Variants in FERMT1 observed in about 807,000 individuals in gnomAD.
FERMT1 encodes the protein FERM domain containing kindlin 1, also known as fermitin family homolog 1.
Under a neutral mutation model 85.3 loss-of-function variants are expected in FERMT1, and 60 were observed. The observed-to-expected ratio is 0.70, with a 90% confidence interval of 0.57 to 0.87. The LOEUF (loss-of-function observed/expected upper bound fraction) is 0.87. Ranked by LOEUF, FERMT1 falls within the 40% of genes least tolerant of loss-of-function variation. FERMT1 has a pLI of 0.00. For missense variants in FERMT1, 701 were observed against 818.9 expected (o/e 0.86, Z 1.76); for synonymous variants, 275 against 301.1 (o/e 0.91, Z 0.90).
intron 3 of FERMT1, among the ~76,000 whole-genome samples, chr20:6,114,343 T>C (rs188042532): frequency 6.6e-6 from 1 of 152,340 alleles, no homozygotes; most frequent in East Asian, 1.9e-4. Flanking sequence ...CTGCATTTGA[T>C]TTCACTTCAA....
chr20:6,107,394 T>A lies in FERMT1; in HGVS notation c.849+138A>T, dbSNP rs1015209030. On this transcript the variant is annotated intron_variant, in intron 6 of 14. Transcript: ENST00000217289. The stretch of plus-strand genomic sequence containing the variant: ...AAAAATTCAGAGACCAGGGTCCATG[T>A]ATCAGTCTCACCCTGCAGGGCTAAA... 1.5e-5 allele frequency: 8 copies of A among 536,846 alleles called. No homozygotes were observed. In the African/African-American group the frequency reaches 1.5e-4, roughly 10 times the overall value. 33.3% of individuals were successfully genotyped at this position (536,846 alleles called of 1,614,324 possible). A position where few individuals can be genotyped will look rare whatever the true frequency, so the allele number is the denominator to read the frequency against.
rs771874082 is a variant in FERMT1 at position 6,097,606 on chromosome 20, A to C, written c.875T>G (p.Leu292Arg). The change falls in exon 7 of 15, where the codon CTC (leucine) becomes CGC (arginine). Residue 292 changes from leucine to arginine, a missense_variant. Physicochemically the swap from Leu to Arg is moderately radical, Grantham distance 102. Transcript: ENST00000217289. Reference protein sequence around the residue: ...PKYDAVRINQLYEQARWAILL... With the variant: ...PKYDAVRINQRYEQARWAILL... ...AATGGCCCACCTGGCTTGCTCATAGAGTTGGTTTATTCGGACAGCATCATA... is the reference window on the plus strand; with the variant it reads ...AATGGCCCACCTGGCTTGCTCATAGCGTTGGTTTATTCGGACAGCATCATA... 1 of 1,613,834 alleles carries C rather than the reference A, an allele frequency of 6.2e-7. No homozygotes were observed. The highest frequency in any genetic ancestry group is 8.5e-7 in the Non-Finnish European group (1 of 1,179,820).
At position 6,084,024 on chromosome 20, in the gene FERMT1, T is replaced by C. The variant is rs1198825248; in HGVS notation, c.1718+16A>G. Reference sequence around the variant, plus strand: ...TTGAATGGAAAGTGTGAGAAACAAGTGAACATTGTAATCACCTGACAAGGT... The same window carrying C: ...TTGAATGGAAAGTGTGAGAAACAAGCGAACATTGTAATCACCTGACAAGGT... On this transcript the variant is annotated intron_variant, in intron 13 of 14. Coordinates refer to ENST00000217289, the MANE Select transcript of FERMT1 (RefSeq NM_017671.5). The C allele has an allele frequency of 1.9e-6, 3 of 1,614,098 alleles. No individual in the cohort carries two copies. Among genetic ancestry groups the C allele is most frequent in the Non-Finnish European group, 2.5e-6 (3 of 1,179,980 alleles).
In FERMT1 at chr20:6,084,942, C is replaced by G. The variant is rs995294594; in HGVS notation, c.1593+124G>C. On this transcript the variant is annotated intron_variant, in intron 12 of 14. Transcript: ENST00000217289. ...TCCCAACTTCAAGTGACCCACCCAC[C>G]TTGGCCTCCCAAAGTGCTGGAATTA... 3.4e-5 allele frequency: 30 copies of G among 877,808 alleles called. No homozygotes were observed. In the South Asian group the frequency reaches 4.4e-4, roughly 13 times the overall value. 54.4% of individuals were successfully genotyped at this position (877,808 alleles called of 1,614,324 possible). A position where few individuals can be genotyped will look rare whatever the true frequency, so the allele number is the denominator to read the frequency against.
rs920894502 is a variant in FERMT1 at position 6,076,753 on chromosome 20, G to A, written c.*420C>T. 1.5e-5 allele frequency: 5 copies of A among 325,974 alleles called. No homozygotes were observed. Among genetic ancestry groups the A allele is most frequent in the African/African-American group, 8.6e-5 (4 of 46,402 alleles). The allele number at this position is 325,974 out of a possible 1,614,324, so 20.2% of individuals were successfully genotyped here. ...GACAGGCGTTTCGTTTCATACCTGAGTTTGTGAAATAAGAGTTGTTCTTGC... is the reference window on the plus strand; with the variant it reads ...GACAGGCGTTTCGTTTCATACCTGAATTTGTGAAATAAGAGTTGTTCTTGC... On this transcript the variant is annotated 3_prime_UTR_variant, in exon 15 of 15. Transcript: ENST00000217289.
At chr20:6,088,807 AGAG>A (rs953372144) in intron 10 of FERMT1, among the ~76,000 whole-genome samples, 155 bp downstream of exon 10, 7 of 151,962 alleles carry the variant, frequency 4.6e-5, no homozygotes, top group African/African-American at 1.7e-4. Flanking sequence ...TATTTTTAGT[AGAG>A]ATGGGGTTTC....
rs760234003 is a variant in FERMT1, at chr20:6,119,460, C to T, written c.95G>A (p.Arg32Lys). ...TCCAACATGAAGGTCTCCAGATACTCTCAGTGTGACGTCTTTCTGCTGCTC... is the reference window on the plus strand; with the variant it reads ...TCCAACATGAAGGTCTCCAGATACTTTCAGTGTGACGTCTTTCTGCTGCTC... ...NEEQQKDVTL[R>K]VSGDLHVGGV... The change falls in exon 2 of 15, where the codon AGA (arginine) becomes AAA (lysine). Residue 32 changes from arginine to lysine, a missense_variant. Physicochemically the swap from Arg to Lys is conservative, Grantham distance 26. Coordinates refer to ENST00000217289, the MANE Select transcript of FERMT1 (RefSeq NM_017671.5). The T allele has an allele frequency of 1.9e-6, 3 of 1,614,174 alleles. No individual in the cohort carries two copies. The highest frequency in any genetic ancestry group is 2.5e-6 in the Non-Finnish European group (3 of 1,179,986).
At chr20:6,080,584 G>A (rs1981966168) in intron 13 of FERMT1, among the ~76,000 whole-genome samples, 1 of 152,198 alleles carries the variant, frequency 6.6e-6, no homozygotes. Context: ...CCGGCTCTGT[G>A]ATGGTGGTGG....
intron 13 of FERMT1, among the ~76,000 whole-genome samples, chr20:6,080,530 G>A (rs1014857981): frequency 6.6e-6 from 1 of 152,168 alleles, no homozygotes; most frequent in African/African-American, 2.4e-5. Flanking sequence ...AAAATTTAGT[G>A]GGATCAGGGT....
At chr20:6,115,446 A>G (rs1983070096) in intron 3 of FERMT1, among the ~76,000 whole-genome samples, 1 of 152,246 alleles carries the variant, frequency 6.6e-6, no homozygotes, top group South Asian at 2.1e-4. Context: ...ATAAAGACAC[A>G]TAGCTCTATG....
At chr20:6,111,725 A>G (rs1982956879) in intron 4 of FERMT1, among the ~76,000 whole-genome samples, 1 of 152,172 alleles carries the variant, frequency 6.6e-6, no homozygotes, top group East Asian at 1.9e-4. Context: ...ATATAAAAAG[A>G]AAAGGATGCT....
Position 6,112,989 on chromosome 20 carries a change from C to T in FERMT1, c.386-366G>A, listed in dbSNP as rs115969861. 3.5e-3 allele frequency among the ~76,000 whole-genome samples: 527 copies of T among 152,286 alleles called. 3 individuals are homozygous for T. The highest frequency in any genetic ancestry group is 0.012 in the African/African-American group (508 of 41,552). ...TGTTACCTATTTACCACCAACTTTA[C>T]CTCCCTCTCCCCTTTCTTCCTGATA... On this transcript the variant is annotated intron_variant, in intron 3 of 14. Transcript: ENST00000217289.
At chr20:6,079,060 TTTTGGA>T (rs1981921008) in intron 14 of FERMT1, among the ~76,000 whole-genome samples, 1 of 152,222 alleles carries the variant, frequency 6.6e-6, no homozygotes, top group Non-Finnish European at 1.5e-5. Context: ...ATGAGGCTTT[TTTTGGA>T]TTTATTTTGC....
chr20:6,087,745 A>G, intron 11 of FERMT1, 32 bp downstream of exon 11: 2 of 1,190,434 alleles, frequency 1.7e-6, no homozygotes, highest in Non-Finnish European at 2.5e-6. Flanking sequence ...AGTGGAGGTG[A>G]AGTGACTTAA....
chr20:6,082,296 C>T (rs897825338), intron 13 of FERMT1, among the ~76,000 whole-genome samples: 12 of 152,294 alleles, frequency 7.9e-5, no homozygotes, highest in Admixed American at 7.8e-4. Flanking sequence ...TGGATTCTCT[C>T]AACACAGTAG....
At chr20:6,111,827 G>C (rs1318162720) in intron 4 of FERMT1, among the ~76,000 whole-genome samples, 1 of 151,776 alleles carries the variant, frequency 6.6e-6, no homozygotes, top group Non-Finnish European at 1.5e-5. Context: ...ATCATGAAGA[G>C]AGAAGTGTAT....
chr20:6,097,825 A>AT (rs1047175385), intron 6 of FERMT1, among the ~76,000 whole-genome samples, 194 bp from the exon 7 acceptor site: 1 of 141,162 alleles, frequency 7.1e-6, no homozygotes, highest in African/African-American at 2.6e-5. Flanking sequence ...TTAATTTTTT[A>AT]TTTTTTTGAG....
At chr20:6,089,191 C>T in intron 9 of FERMT1, 102 bp from the exon 10 acceptor site, 1 of 1,207,892 alleles carries the variant, frequency 8.3e-7, no homozygotes, top group Non-Finnish European at 1.2e-6. Context: ...TCAAAGAAAA[C>T]ACACTTTGTT....
At chr20:6,100,315 AATACT>A (rs1291753362) in intron 6 of FERMT1, among the ~76,000 whole-genome samples, 45 of 152,336 alleles carry the variant, frequency 3.0e-4, no homozygotes, top group African/African-American at 1.1e-3. Flanking sequence ...GAATTCTGAA[AATACT>A]ATGCTAAGTG....
Sources: gnomAD v4.1 joint callset for allele counts (sites outside exome capture counted in the v4.1 genomes callset) on GRCh38, gnomAD v4.1.1 for gene constraint, MANE v1.5 for transcripts, NCBI Gene and HGNC (gene_info 2026-07-23, HGNC 2026-07-21) for gene names.